The following FTCD variants were observed in gnomAD, a reference collection of about 807,000 sequenced individuals.
FTCD encodes formimidoyltransferase cyclodeaminase, also known as formimidoyltransferase-cyclodeaminase.
A neutral mutation model predicts 62.9 loss-of-function variants in FTCD; 76 were observed. The observed-to-expected ratio is 1.21, with a 90% CI of 1.00 to 1.46. The LOEUF is 1.46. FTCD is among the 40% of genes most tolerant of loss of function. The pLI is 0.00. For missense variants in FTCD, 845 were observed against 751.3 expected, an observed-to-expected ratio of 1.12 and a Z score of -1.46; for synonymous variants, 397 against 336.9, an observed-to-expected ratio of 1.18 and a Z score of -1.95.
At chr21:46,138,240 T>C (rs1415166484) in intron 12 of FTCD, among the ~76,000 whole-genome samples, 1 of 152,176 alleles carries the variant, frequency 6.6e-6, no homozygotes, top group Non-Finnish European at 1.5e-5. Flanking sequence ...ACAAGGGGTC[T>C]TGGGGGAGTA....
At chr21:46,137,162 C>T in intron 13 of FTCD, 77 bp downstream of exon 13, 1 of 1,581,608 alleles carries the variant, frequency 6.3e-7, no homozygotes, top group Non-Finnish European at 8.7e-7. Context: ...CTGCCCACAG[C>T]CAGTCGGCAA....
downstream of FTCD, chr21:46,136,761 G>A (rs112676302): frequency 5.8e-5 from 87 of 1,495,664 alleles, no homozygotes; most frequent in Non-Finnish European, 7.2e-5. Context: ...CCCCAAAACC[G>A]CCAACACACA....
intron 10 of FTCD, chr21:46,142,642 A>G (rs1309955878): frequency 6.6e-6 from 1 of 152,242 alleles, no homozygotes; most frequent in Non-Finnish European, 1.5e-5. Context: ...AAGCAGCAGC[A>G]AGATTTAGTT....
chr21:46,150,460 C>T lies in FTCD; in HGVS notation c.702G>A (p.Val234=). 6.2e-7 allele frequency: 1 copy of T among 1,613,008 alleles called. No homozygotes were observed. Among genetic ancestry groups the T allele is most frequent in the Non-Finnish European group, 8.5e-7 (1 of 1,179,646 alleles). Residue 234 remains valine (V), a synonymous_variant, in exon 6 of 14, where the codon GTG becomes GTA. Transcript: ENST00000397746. ...CCTCAAAGTCCAGAAGATTGGTGGA[C>T]ACCTGAGCCAGGTTCTTCTCATCCA... ...WYLDEKNLAQ[V]STNLLDFEVT...
At chr21:46,142,496 C>G (rs1274937264) in intron 10 of FTCD, 1 of 147,368 alleles carries the variant, frequency 6.8e-6, no homozygotes, top group Admixed American at 6.7e-5. Flanking sequence ...GCGAGTGTTA[C>G]AGCTCTTACA....
intron 10 of FTCD, among the ~76,000 whole-genome samples, chr21:46,141,791 A>C (rs2079013739): frequency 6.6e-6 from 1 of 152,228 alleles, no homozygotes; most frequent in African/African-American, 2.4e-5. Context: ...AATATTCACC[A>C]GATAACTTCC....
rs1482329187 is a variant in FTCD at position 46,146,339 on chromosome 21, GC to G, written c.907-13del. 1.3e-6 allele frequency: 2 copies of G among 1,587,066 alleles called. No individual in the cohort carries two copies. The highest frequency in any genetic ancestry group is 2.7e-5 in the African/African-American group (2 of 74,352). On this transcript the variant is annotated splice_polypyrimidine_tract_variant and intron_variant, in intron 7 of 13. Coordinates refer to ENST00000397746, the MANE Select transcript of FTCD (RefSeq NM_206965.2). ...AGCCGGCTCACCACCTGGAAAAGGGGCTTGGAGTGGAAACGGCCTCGGCGCG... is the reference window on the plus strand; with the variant it reads ...AGCCGGCTCACCACCTGGAAAAGGGGTTGGAGTGGAAACGGCCTCGGCGCG...
intron 2 of FTCD, among the ~76,000 whole-genome samples, chr21:46,153,807 C>T (rs887866873): frequency 2.0e-5 from 3 of 152,248 alleles, no homozygotes; most frequent in African/African-American, 7.2e-5. Context: ...CCCACCAGTG[C>T]CTGCTCCAAG....
At position 46,151,736 on chromosome 21, in the gene FTCD, A is replaced by G. The variant is rs749394153; in HGVS notation, c.458T>C (p.Leu153Pro). 6.2e-7 allele frequency: 1 copy of G among 1,612,722 alleles called. No individual in the cohort carries two copies. The highest frequency in any genetic ancestry group is 1.1e-5 in the South Asian group (1 of 91,078). ...GTCGGGCGCCCAGTCGGCCTGCTGGAGCTGTGAGCAAGTTCGCTCTGGGGT... is the reference window on the plus strand; with the variant it reads ...GTCGGGCGCCCAGTCGGCCTGCTGGGGCTGTGAGCAAGTTCGCTCTGGGGT... Reference protein sequence around the residue: ...AGEYEALPKKLQQADWAPDFG... With the variant: ...AGEYEALPKKPQQADWAPDFG... The change falls in exon 5 of 14, where the codon CTC (leucine) becomes CCC (proline). Residue 153 changes from leucine to proline, a missense_variant and splice_region_variant. Transcript: ENST00000397746.
chr21:46,151,685 CTG>C lies in FTCD; in HGVS notation c.507_508del (p.Ser170LeufsTer16). The C allele has an allele frequency of 6.2e-7, 1 of 1,613,042 alleles. No homozygotes were observed. Among genetic ancestry groups the C allele is most frequent in the Admixed American group, 1.7e-5 (1 of 60,026 alleles). On this transcript the variant is annotated frameshift_variant, in exon 5 of 14. Transcript: ENST00000397746. LOFTEE classifies it high-confidence loss of function. ...CGCCCCCGTGGCCGTGGCCCCCCAA[CTG>C]GGGACAAAGGAGCTGGGACCAAAGT... is the stretch of plus-strand genomic sequence containing the variant.
chr21:46,139,442 G>A (rs1222330994), intron 10 of FTCD, among the ~76,000 whole-genome samples: 5 of 152,098 alleles, frequency 3.3e-5, no homozygotes, highest in East Asian at 1.9e-4. Context: ...TCGGCTCCTC[G>A]GACCCACCCC....
In FTCD at chr21:46,145,513, GT is replaced by G; in HGVS notation, c.1163del (p.Asp388AlafsTer7). Reference sequence around the variant, plus strand: ...GCGGGATCAGGCGCCGCATCGTCGTGTCCAGGGACTGGAATTGGCGCCGCCC... The same window carrying G: ...GCGGGATCAGGCGCCGCATCGTCGTGCCAGGGACTGGAATTGGCGCCGCCC... ...TYGRRQFQSL[D>X]TTMRRLIPPF... On this transcript the variant is annotated frameshift_variant, in exon 10 of 14. Transcript: ENST00000397746. LOFTEE classifies it high-confidence loss of function. 1 of 1,550,384 alleles carries G rather than the reference GT, an allele frequency of 6.5e-7. No homozygotes were observed. Among genetic ancestry groups the G allele is most frequent in the Non-Finnish European group, 8.7e-7 (1 of 1,147,250 alleles).
At chr21:46,150,753 C>T (rs1050240643) in intron 5 of FTCD, among the ~76,000 whole-genome samples, 3 of 151,790 alleles carry the variant, frequency 2.0e-5, no homozygotes, top group African/African-American at 4.8e-5. Context: ...AGGCCCACCC[C>T]GGCAGGCCCC....
At chr21:46,140,956 A>AGCACTCCCCGTCTGC (rs1308049237) in intron 10 of FTCD, among the ~76,000 whole-genome samples, 4 of 151,624 alleles carry the variant, frequency 2.6e-5, no homozygotes, top group Admixed American at 1.3e-4. Context: ...AAACCAATCC[A>AGCACTCCCCGTCTGC]CTGATTTCGA....
chr21:46,154,718 TG>T (rs1395399496), intron 1 of FTCD, among the ~76,000 whole-genome samples: 1 of 152,140 alleles, frequency 6.6e-6, no homozygotes, highest in African/African-American at 2.4e-5. Context: ...ATCACCAGCA[TG>T]GGGGAGGGGC....
chr21:46,138,576 C>T lies in FTCD; in HGVS notation c.1375G>A (p.Ala459Thr). 1.3e-6 allele frequency: 2 copies of T among 1,588,160 alleles called. No homozygotes were observed. Among genetic ancestry groups the T allele is most frequent in the Non-Finnish European group, 1.7e-6 (2 of 1,174,388 alleles). The change falls in exon 12 of 14, where the codon GCC becomes ACC. Residue 459 changes from alanine to threonine, a missense_variant. Transcript: ENST00000397746. ...SVPLTLAETV[A>T]SLWPALQELA... ...TCCTGCAGGGCCGGCCACAGCGAGG[C>T]CACCGTCTCCGCCAGCGTCAGCGGC... is the stretch of plus-strand genomic sequence containing the variant.
intron 5 of FTCD, among the ~76,000 whole-genome samples, chr21:46,151,131 G>A (rs957310901): frequency 2.0e-5 from 3 of 152,168 alleles, no homozygotes; most frequent in South Asian, 2.1e-4. Flanking sequence ...CGCTCAGACC[G>A]GGTGACCACT....
chr21:46,150,621 G>A, intron 5 of FTCD, 96 bp from the exon 6 acceptor site: 7 of 1,291,764 alleles, frequency 5.4e-6, no homozygotes, highest in Non-Finnish European at 7.9e-6. Context: ...AGCTGGACGG[G>A]GAGGAGCCTG....
At chr21:46,139,095 G>A (rs1475469002) in intron 10 of FTCD, 172 bp from the exon 11 acceptor site, 10 of 659,064 alleles carry the variant, frequency 1.5e-5, no homozygotes, top group East Asian at 2.7e-5. Context: ...CAGGCTTGGT[G>A]GAGGAGCAGG....
Sources: gnomAD v4.1 joint callset for allele counts (sites outside exome capture counted in the v4.1 genomes callset) on GRCh38, gnomAD v4.1.1 for gene constraint, MANE v1.5 for transcripts, NCBI Gene and HGNC (gene_info 2026-07-23, HGNC 2026-07-21) for gene names.